The following TM9SF3 variants were observed in gnomAD, a reference collection of about 807,000 sequenced individuals.
TM9SF3 encodes transmembrane 9 superfamily member 3.
In TM9SF3, 14 loss-of-function variants were observed where a neutral mutation model predicts 78.6. The observed-to-expected ratio is 0.18, with a 90% CI of 0.12 to 0.28. TM9SF3 has a LOEUF of 0.28. Ranked by LOEUF, TM9SF3 falls within the 10% of genes least tolerant of loss-of-function variation. The pLI, the probability that TM9SF3 is intolerant of heterozygous loss-of-function variation, is 1.00. For missense variants in TM9SF3, 496 were observed against 721.9 expected, an observed-to-expected ratio of 0.69 and a Z score of 3.59; for synonymous variants, 231 against 241.7, an observed-to-expected ratio of 0.96 and a Z score of 0.41.
chr10:96,582,473 G>C lies in TM9SF3; in HGVS notation c.102+4261C>G, dbSNP rs937762525. 1.1e-4 allele frequency among the ~76,000 whole-genome samples: 16 copies of C among 152,258 alleles called. 1 individual carries two copies. Among genetic ancestry groups the C allele is most frequent in the African/African-American group, 3.9e-4 (16 of 41,550 alleles). ...GTCCTTCGGAATCTTAGGAGACATA[G>C]TAATCTAACTCTAGATGCTTCCAAG... On this transcript the variant is annotated intron_variant, in intron 1 of 14. Transcript: ENST00000371142.
intron 9 of TM9SF3, among the ~76,000 whole-genome samples, chr10:96,538,602 A>G (rs886876230): frequency 2.0e-5 from 3 of 152,218 alleles, no homozygotes; most frequent in Non-Finnish European, 4.4e-5. Context: ...AAGACAACCC[A>G]CAAAATAGGA....
intron 11 of TM9SF3, among the ~76,000 whole-genome samples, chr10:96,529,516 G>T (rs1329613144): frequency 6.6e-6 from 1 of 151,798 alleles, no homozygotes; most frequent in Non-Finnish European, 1.5e-5. Flanking sequence ...TCTGCACTTA[G>T]AATGCTTCAG....
chr10:96,525,405 G>A (rs1039033300), intron 14 of TM9SF3, among the ~76,000 whole-genome samples: 23 of 151,932 alleles, frequency 1.5e-4, no homozygotes, highest in African/African-American at 5.3e-4. Flanking sequence ...ATCTTTCCTT[G>A]TGGAATGTTT....
At chr10:96,552,778 C>A (rs1200398177) in intron 6 of TM9SF3, 150 bp downstream of exon 6, 1 of 641,578 alleles carries the variant, frequency 1.6e-6, no homozygotes, top group Non-Finnish European at 2.3e-6. Flanking sequence ...ACAGACCACA[C>A]TGGGCATTTT....
intron 9 of TM9SF3, among the ~76,000 whole-genome samples, chr10:96,534,101 G>A (rs902543944): frequency 5.9e-5 from 9 of 152,184 alleles, no homozygotes; most frequent in Admixed American, 5.2e-4. Flanking sequence ...GAGAAATGAA[G>A]AGGTATGGGG....
intron 5 of TM9SF3, among the ~76,000 whole-genome samples, chr10:96,557,355 G>GT (rs530486128): frequency 9.0e-4 from 124 of 137,566 alleles, no homozygotes; most frequent in African/African-American, 3.4e-3. Context: ...AAACCCTAGA[G>GT]TTTGTCTCAA....
At chr10:96,561,875 T>C in intron 4 of TM9SF3, 103 bp downstream of exon 4, 1 of 924,876 alleles carries the variant, frequency 1.1e-6, no homozygotes, top group Non-Finnish European at 1.7e-6. Context: ...TTCTGTTGCA[T>C]CCCATTTCAA....
At chr10:96,567,106 C>G (rs761597740) in intron 2 of TM9SF3, among the ~76,000 whole-genome samples, 1 of 89,382 alleles carries the variant, frequency 1.1e-5, no homozygotes, top group Non-Finnish European at 2.1e-5. Context: ...TTTTTTGAGA[C>G]GGAGTTTCAC....
chr10:96,522,048 C>A lies in TM9SF3; in HGVS notation c.*215G>T. Reference sequence around the variant, plus strand: ...TGTAGTAATGCCTACTGCATAAAATCCAAGCATTTGCTGTGAACAGTTGGA... The same window carrying A: ...TGTAGTAATGCCTACTGCATAAAATACAAGCATTTGCTGTGAACAGTTGGA... On this transcript the variant is annotated 3_prime_UTR_variant, in exon 15 of 15. Transcript: ENST00000371142. 1.8e-6 allele frequency: 1 copy of A among 541,714 alleles called. No homozygotes were observed. The highest frequency in any genetic ancestry group is 3.2e-6 in the Non-Finnish European group (1 of 310,918). The allele number at this position is 541,714 out of a possible 1,614,324, so 33.6% of individuals were successfully genotyped here. A position where few individuals can be genotyped will look rare whatever the true frequency, so the allele number is the denominator to read the frequency against.
rs539539672 is a variant in TM9SF3 at position 96,566,799 on chromosome 10, A to G, written c.299-1373T>C. 1.1e-4 allele frequency among the ~76,000 whole-genome samples: 17 copies of G among 152,364 alleles called. 1 individual carries two copies. The South Asian group carries it at 3.1e-3, about 28-fold the overall frequency. ...TCTACAGCAGGAGCTAGAAAAACTG[A>G]CAGCAAGAGATCCCCAAATGGGGTC... On this transcript the variant is annotated intron_variant, in intron 2 of 14. Transcript: ENST00000371142.
intron 7 of TM9SF3, among the ~76,000 whole-genome samples, chr10:96,548,767 C>T (rs1223786245): frequency 7.5e-6 from 1 of 134,164 alleles, no homozygotes; most frequent in Non-Finnish European, 1.5e-5. Context: ...CACTGCACTC[C>T]AGCCTGGATG....
chr10:96,555,193 C>T (rs746437450), intron 5 of TM9SF3, among the ~76,000 whole-genome samples: 2 of 152,172 alleles, frequency 1.3e-5, no homozygotes, highest in Non-Finnish European at 2.9e-5. Context: ...ATATTCTATA[C>T]TTCCTGTAAT....
chr10:96,527,357 ATT>A, intron 13 of TM9SF3, 54 bp downstream of exon 13: 1 of 1,588,350 alleles, frequency 6.3e-7, no homozygotes, highest in Non-Finnish European at 8.6e-7. Context: ...AAATATTAGT[ATT>A]TAAAGGACAA....
At position 96,527,434 on chromosome 10, in the gene TM9SF3, T is replaced by C; in HGVS notation, c.1604A>G (p.Tyr535Cys). Residue 535 changes from tyrosine to cysteine, a missense_variant, in exon 13 of 15, where the codon TAC becomes TGC. Tyr to Cys is a radical substitution (Grantham distance 194). This residue lies in a region of TM9SF3 where 280 missense variants were observed against 422.6 expected (regional missense o/e 0.66). Transcript: ENST00000371142. ...TAIYVYMYSF[Y>C]YYFFKTKMYG... Reference sequence around the variant, plus strand: ...TTACTTTGTTTTGAAAAAATAGTAGTAAAAGGAATACATGTAAACATAGAT... The same window carrying C: ...TTACTTTGTTTTGAAAAAATAGTAGCAAAAGGAATACATGTAAACATAGAT... 1 of 1,608,968 alleles carries C rather than the reference T, an allele frequency of 6.2e-7. No individual in the cohort carries two copies. Among genetic ancestry groups the C allele is most frequent in the Non-Finnish European group, 8.5e-7 (1 of 1,177,776 alleles).
rs911599193 is a variant in TM9SF3, at chr10:96,528,084, G to A, written c.1488C>T (p.Val496=). 3.7e-6 allele frequency: 6 copies of A among 1,612,872 alleles called. No individual in the cohort carries two copies. Among genetic ancestry groups the A allele is most frequent in the Admixed American group, 1.7e-5 (1 of 59,962 alleles). ...AATATGTGCACACAATAGTCACACA[G>A]ACAGTCACAATGCACAGGATAACCA... ...LVLVILCIVT[V]CVTIVCTYFL... The change falls in exon 12 of 15, where the codon GTC becomes GTT. Residue 496 remains valine, a synonymous_variant. Transcript: ENST00000371142.
At chr10:96,550,468 T>C (rs1848154327) in intron 7 of TM9SF3, among the ~76,000 whole-genome samples, 1 of 151,990 alleles carries the variant, frequency 6.6e-6, no homozygotes, top group Non-Finnish European at 1.5e-5. Flanking sequence ...AGGCATGAAA[T>C]ATAACTAGAG....
rs139275890 is a variant in TM9SF3 at position 96,532,954 on chromosome 10, A to G, written c.1325+97T>C. The G allele has an allele frequency of 4.9e-5, 70 of 1,429,774 alleles. No individual in the cohort carries two copies. The East Asian group carries it at 1.5e-3, about 30-fold the overall frequency. 88.6% of individuals were successfully genotyped at this position (1,429,774 alleles called of 1,614,324 possible). The stretch of plus-strand genomic sequence containing the variant: ...GCTCAAACTTAAGATTGTCATTATC[A>G]TAAATACATACCAATTCTAAAGTTA... On this transcript the variant is annotated intron_variant, in intron 10 of 14. Transcript: ENST00000371142.
chr10:96,560,172 G>A (rs893159500), intron 4 of TM9SF3: 9 of 880,546 alleles, frequency 1.0e-5, no homozygotes, highest in Non-Finnish European at 1.3e-5. Flanking sequence ...ACCTAAATGC[G>A]TGCTGCCACC....
chr10:96,579,346 G>T (rs1049754532), intron 1 of TM9SF3, among the ~76,000 whole-genome samples: 2 of 152,184 alleles, frequency 1.3e-5, no homozygotes, highest in African/African-American at 4.8e-5. Flanking sequence ...CTGCAGAAAT[G>T]TTATAAATGT....
Sources: gnomAD v4.1 joint callset for allele counts (sites outside exome capture counted in the v4.1 genomes callset) on GRCh38, gnomAD v4.1.1 for gene constraint, gnomAD v4.1.1 regional missense constraint, MANE v1.5 for transcripts, NCBI Gene and HGNC (gene_info 2026-07-23, HGNC 2026-07-21) for gene names.